Variants in TOR3A observed in about 807,000 individuals in gnomAD.
TOR3A encodes the protein torsin family 3 member A.
In TOR3A, 44 loss-of-function variants were observed where a neutral mutation model predicts 42.1. The ratio of observed to expected loss-of-function variants is 1.04; its 90% CI spans 0.82 to 1.34. The LOEUF is 1.34. Among genes scored for constraint, TOR3A ranks in the 40% most tolerant of loss-of-function variants. The pLI is 0.00. For synonymous variants in TOR3A, 227 were observed against 213.2 expected, an observed-to-expected ratio of 1.06 and a Z score of -0.57; for missense variants, 521 against 507.6, an observed-to-expected ratio of 1.03 and a Z score of -0.25.
chr1:179,082,763 C>G (rs578037662), intron 1 of TOR3A, 177 bp from the exon 2 acceptor site: 34 of 707,314 alleles, frequency 4.8e-5, no homozygotes, highest in South Asian at 4.0e-4. Context: ...ACTGCCGTCT[C>G]CCTTGCTGCT....
At position 179,085,901 on chromosome 1, in the gene TOR3A, C is replaced by A; in HGVS notation, c.639+8C>A. 1.2e-6 allele frequency: 2 copies of A among 1,612,086 alleles called. No homozygotes were observed. Among genetic ancestry groups the A allele is most frequent in the Non-Finnish European group, 1.7e-6 (2 of 1,178,832 alleles). ...TATGTGGACCTGTACAAGGTGAGGCCGACCAGGGCTGGGGTGAGGCCTCTG... is the reference window on the plus strand; with the variant it reads ...TATGTGGACCTGTACAAGGTGAGGCAGACCAGGGCTGGGGTGAGGCCTCTG... On this transcript the variant is annotated splice_region_variant and intron_variant, in intron 3 of 5. Transcript: ENST00000367627.
At chr1:179,094,868 C>G in intron 5 of TOR3A, 100 bp from the exon 6 acceptor site, 1 of 1,154,316 alleles carries the variant, frequency 8.7e-7, no homozygotes, top group South Asian at 1.3e-5. Flanking sequence ...ACAGAGCAAG[C>G]CCCTGTTTCA....
rs1652336031 is a variant in TOR3A at position 179,082,976 on chromosome 1, ACCT to A, written c.300_302del (p.Leu101del). ...CCTCTGTTGGGCCAGCGGTACCTGGACCTCCTGACCACGTGGTACTGCAGCTTC... is the reference window on the plus strand; with the variant it reads ...CCTCTGTTGGGCCAGCGGTACCTGGACCTGACCACGTGGTACTGCAGCTTC... On this transcript the variant is annotated inframe_deletion, in exon 2 of 6. Transcript: ENST00000367627. The A allele has an allele frequency of 1.3e-6, 2 of 1,586,822 alleles. No homozygotes were observed. The highest frequency in any genetic ancestry group is 8.6e-7 in the Non-Finnish European group (1 of 1,167,572).
chr1:179,086,462 C>T (rs1457708339), intron 3 of TOR3A, among the ~76,000 whole-genome samples: 6 of 152,110 alleles, frequency 3.9e-5, no homozygotes, highest in African/African-American at 1.4e-4. Context: ...GTCAGGAGAT[C>T]GAGACCATCC....
intron 4 of TOR3A, among the ~76,000 whole-genome samples, chr1:179,090,739 C>T (rs1434318932): frequency 1.3e-5 from 2 of 152,118 alleles, no homozygotes; most frequent in East Asian, 1.9e-4. Flanking sequence ...AACATTACTT[C>T]GCCCACTTCT....
chr1:179,086,325 G>GT (rs1299561046), intron 3 of TOR3A, among the ~76,000 whole-genome samples: 2 of 152,208 alleles, frequency 1.3e-5, no homozygotes, highest in African/African-American at 4.8e-5. Context: ...CTTTGTCATT[G>GT]TAACTACGTT....
chr1:179,085,422 CAAAA>C (rs369392265), intron 2 of TOR3A: 976 of 443,614 alleles, frequency 2.2e-3, no homozygotes, highest in Non-Finnish European at 2.5e-3. Context: ...GACTCCATCT[CAAAA>C]AAAAAAAAAA....
rs1377030838 is a variant in TOR3A, at chr1:179,085,661, G to C, written c.407G>C (p.Gly136Ala). ...LEWDLNVRLH[G>A]QHLVQQLVLR... ...TGGGACCTGAATGTGCGGCTGCATG[G>C]CCAGCATTTGGTCCAGCAGCTGGTC... Residue 136 changes from glycine to alanine, a missense_variant, in exon 3 of 6, where the codon GGC (glycine) becomes GCC (alanine). Gly to Ala is a moderately conservative substitution (Grantham distance 60). Coordinates refer to ENST00000367627, the MANE Select transcript of TOR3A (RefSeq NM_022371.4). 1.2e-6 allele frequency: 2 copies of C among 1,614,120 alleles called. No individual in the cohort carries two copies. The highest frequency in any genetic ancestry group is 2.2e-5 in the East Asian group (1 of 44,870).
chr1:179,082,704 T>C, intron 1 of TOR3A: 1 of 701,744 alleles, frequency 1.4e-6, no homozygotes. Flanking sequence ...TATTCGAAGG[T>C]GTTGCTCTTG....
chr1:179,089,098 G>A (rs1450427401), intron 4 of TOR3A, among the ~76,000 whole-genome samples: 2 of 152,120 alleles, frequency 1.3e-5, no homozygotes, highest in African/African-American at 4.8e-5. Context: ...GGCAGATCTA[G>A]TTTCGGTGTG....
In TOR3A at chr1:179,095,409, T is replaced by A; in HGVS notation, c.*191T>A. On this transcript the variant is annotated 3_prime_UTR_variant, in exon 6 of 6. Coordinates refer to ENST00000367627, the MANE Select transcript of TOR3A (RefSeq NM_022371.4). ...AAGCCAAGCCAATCCTTTTTCTTTT[T>A]TTTGGAGGTCCCACCGAGATAGATA... 1.4e-6 allele frequency: 2 copies of A among 1,431,932 alleles called. No homozygotes were observed. Among genetic ancestry groups the A allele is most frequent in the Non-Finnish European group, 1.8e-6 (2 of 1,099,248 alleles). 88.7% of individuals were successfully genotyped at this position (1,431,932 alleles called of 1,614,324 possible). A position where few individuals can be genotyped will look rare whatever the true frequency, so the allele number is the denominator to read the frequency against.
intron 4 of TOR3A, among the ~76,000 whole-genome samples, chr1:179,092,990 A>G (rs1276117497): frequency 6.6e-6 from 1 of 152,176 alleles, no homozygotes; most frequent in East Asian, 1.9e-4. Context: ...GGGTGACAGA[A>G]TGAGACTGTC....
At chr1:179,087,437 G>A (rs2102543372) in intron 3 of TOR3A, among the ~76,000 whole-genome samples, 1 of 152,344 alleles carries the variant, frequency 6.6e-6, no homozygotes, top group East Asian at 1.9e-4. Flanking sequence ...ACCCCTGTAT[G>A]AAAGCTCAAC....
At chr1:179,088,206 A>T in intron 4 of TOR3A, 117 bp downstream of exon 4, 1 of 1,131,152 alleles carries the variant, frequency 8.8e-7, no homozygotes, top group Non-Finnish European at 1.2e-6. Flanking sequence ...AACAGCACAA[A>T]CTCTGGTACA....
intron 4 of TOR3A, among the ~76,000 whole-genome samples, chr1:179,090,413 C>G (rs1374951373): frequency 6.6e-6 from 1 of 152,196 alleles, no homozygotes; most frequent in African/African-American, 2.4e-5. Flanking sequence ...ATATTGGAGT[C>G]TCTGGACTTG....
rs748002973 is a variant in TOR3A, at chr1:179,085,902, G to T, written c.639+9G>T. 3.1e-6 allele frequency: 5 copies of T among 1,611,868 alleles called. No homozygotes were observed. The East Asian group carries it at 6.7e-5, about 22-fold the overall frequency. On this transcript the variant is annotated intron_variant, in intron 3 of 5. Coordinates refer to ENST00000367627, the MANE Select transcript of TOR3A (RefSeq NM_022371.4). The stretch of plus-strand genomic sequence containing the variant: ...ATGTGGACCTGTACAAGGTGAGGCC[G>T]ACCAGGGCTGGGGTGAGGCCTCTGT...
rs143589216 is a variant in TOR3A, at chr1:179,095,089, G to A, written c.1065G>A (p.Glu355=). The change falls in exon 6 of 6, where the codon GAG becomes GAA. Residue 355 remains glutamate (E), a synonymous_variant. Transcript: ENST00000367627. ...LCARDAFLSQ[E]LLYKEETLDE... Reference sequence around the variant, plus strand: ...CACGGGATGCCTTCCTGAGCCAGGAGCTCCTGTATAAAGAAGAGACACTGG... The same window carrying A: ...CACGGGATGCCTTCCTGAGCCAGGAACTCCTGTATAAAGAAGAGACACTGG... The A allele has an allele frequency of 1.1e-5, 17 of 1,614,212 alleles. No homozygotes were observed. The African/African-American group carries it at 2.3e-4, about 22-fold the overall frequency.
rs1652480394 is a variant in TOR3A at position 179,087,989 on chromosome 1, C to G, written c.718C>G (p.Leu240Val). ...TLFIFDEAEK[L>V]HPGLLEVLGP... The stretch of plus-strand genomic sequence containing the variant: ...GTTCATCTTCGATGAAGCGGAGAAG[C>G]TGCACCCAGGGCTGCTGGAGGTCCT... The change falls in exon 4 of 6, where the codon CTG (leucine) becomes GTG (valine). Residue 240 changes from leucine (L) to valine (V), a missense_variant. Transcript: ENST00000367627. 2 of 1,613,562 alleles carry G rather than the reference C, an allele frequency of 1.2e-6. No homozygotes were observed. Among genetic ancestry groups the G allele is most frequent in the Middle Eastern group, 1.7e-4 (1 of 6,050 alleles).
rs767977004 is a variant in TOR3A, at chr1:179,095,033, C to T, written c.1009C>T (p.Pro337Ser). 1.4e-5 allele frequency: 23 copies of T among 1,614,100 alleles called. 1 individual carries two copies. The South Asian group carries it at 2.5e-4, about 18-fold the overall frequency. ...NLIDYFIPFL[P>S]LEYRHVRLCA... ...GATTGACTACTTCATCCCCTTCCTG[C>T]CTTTGGAGTACCGTCACGTGAGGCT... The change falls in exon 6 of 6, where the codon CCT (proline) becomes TCT (serine). Residue 337 changes from proline (P) to serine (S), a missense_variant. Pro to Ser is a moderately conservative substitution (Grantham distance 74, BLOSUM62 -1). Coordinates refer to ENST00000367627, the MANE Select transcript of TOR3A (RefSeq NM_022371.4).
Sources: gnomAD v4.1 joint callset for allele counts (sites outside exome capture counted in the v4.1 genomes callset) on GRCh38, gnomAD v4.1.1 for gene constraint, MANE v1.5 for transcripts, NCBI Gene and HGNC (gene_info 2026-07-23, HGNC 2026-07-21) for gene names.